The following HMCES variants were observed in gnomAD, a reference collection of about 807,000 sequenced individuals.
HMCES encodes the protein abasic site processing protein HMCES.
HMCES carries 27 observed loss-of-function variants against 35.1 expected under a neutral mutation model. That is an observed-to-expected ratio of 0.77 (90% CI 0.57 to 1.06). The LOEUF (loss-of-function observed/expected upper bound fraction) is 1.06. Among genes scored for constraint, HMCES ranks in the 50% least tolerant of loss-of-function variants. The pLI is 0.00. For missense variants in HMCES, 391 were observed against 430.4 expected (o/e 0.91, Z 0.81); for synonymous variants, 130 against 154.7 (o/e 0.84, Z 1.18).
Position 129,298,488 on chromosome 3 carries a change from C to T in HMCES, c.588C>T (p.Thr196=). The T allele has an allele frequency of 6.2e-7, 1 of 1,614,088 alleles. No homozygotes were observed. Among genetic ancestry groups the T allele is most frequent in the Non-Finnish European group, 8.5e-7 (1 of 1,179,998 alleles). The change falls in exon 5 of 7, where the codon ACC becomes ACT. Residue 196 remains threonine (T), a synonymous_variant. Transcript: ENST00000383463. The part of the protein sequence containing the change: ...PEGGDVLYSY[T]IITVDSCKGL... ...GAGGAGATGTCCTGTATTCCTATAC[C>T]ATCATCACAGTGGATTCCTGCAAAG...
chr3:129,289,768 A>T (rs1940747104), intron 3 of HMCES, among the ~76,000 whole-genome samples: 1 of 152,148 alleles, frequency 6.6e-6, no homozygotes, highest in African/African-American at 2.4e-5. Flanking sequence ...AGCATGCTTC[A>T]TTGGGGAGGC....
rs1443629532 is a variant in HMCES, at chr3:129,288,838, C to A, written c.184-16C>A. The A allele has an allele frequency of 6.0e-6, 9 of 1,489,668 alleles. No individual in the cohort carries two copies. Among genetic ancestry groups the A allele is most frequent in the Admixed American group, 1.8e-5 (1 of 54,490 alleles). The allele number at this position is 1,489,668 out of a possible 1,614,324, so 92.3% of individuals were successfully genotyped here. A position where few individuals can be genotyped will look rare whatever the true frequency, so the allele number is the denominator to read the frequency against. On this transcript the variant is annotated splice_polypyrimidine_tract_variant and intron_variant, in intron 2 of 6. Coordinates refer to ENST00000383463, the MANE Select transcript of HMCES (RefSeq NM_020187.3). Reference sequence around the variant, plus strand: ...TTTCATTATGATCTCCTCACTAGATCTTCTCTCCGTGGCAGGATGCAGACT... The same window carrying A: ...TTTCATTATGATCTCCTCACTAGATATTCTCTCCGTGGCAGGATGCAGACT...
chr3:129,284,711 G>A (rs1243550861), intron 2 of HMCES, among the ~76,000 whole-genome samples: 22 of 152,170 alleles, frequency 1.4e-4, no homozygotes, highest in African/African-American at 5.1e-4. Context: ...TCAGGAGTTC[G>A]AGACCAGCGT....
intron 2 of HMCES, among the ~76,000 whole-genome samples, chr3:129,287,611 C>T (rs1468568210): frequency 6.6e-6 from 1 of 152,036 alleles, no homozygotes; most frequent in Non-Finnish European, 1.5e-5. Flanking sequence ...ACAGACTAGG[C>T]GGAATAAACC....
chr3:129,289,387 G>A (rs912201020), intron 3 of HMCES, among the ~76,000 whole-genome samples: 2 of 152,334 alleles, frequency 1.3e-5, no homozygotes, highest in African/African-American at 4.8e-5. Flanking sequence ...GAGGGTGTCA[G>A]GGTAGCCAGG....
chr3:129,279,174 A>G lies in HMCES; in HGVS notation c.-24+269A>G, dbSNP rs2107682533. 1 of 152,548 alleles carries G rather than the reference A, an allele frequency of 6.6e-6. No homozygotes were observed. Among genetic ancestry groups the G allele is most frequent in the East Asian group, 2.0e-4 (1 of 5,110 alleles). The allele number at this position is 152,548 out of a possible 1,614,324, so 9.4% of individuals were successfully genotyped here. ...AGCACCGGCCCCCGCTCCGGGGAGC[A>G]GAGTCCGGAGCGGGATCCGCGGCCC... On this transcript the variant is annotated intron_variant, in intron 1 of 6. Coordinates refer to ENST00000383463, the MANE Select transcript of HMCES (RefSeq NM_020187.3). The surrounding 1 kb of genome is among the most constrained non-coding windows in gnomAD (Gnocchi z 4.2).
chr3:129,285,484 C>T (rs978072835), intron 2 of HMCES, among the ~76,000 whole-genome samples: 2 of 151,230 alleles, frequency 1.3e-5, no homozygotes, highest in Admixed American at 1.3e-4. Context: ...TGGAGTCTTG[C>T]TCTGTTGCCC....
chr3:129,305,141 T>G lies in HMCES; in HGVS notation c.*316T>G, dbSNP rs1168422641. The G allele has an allele frequency of 5.4e-6, 2 of 371,154 alleles. No homozygotes were observed. The highest frequency in any genetic ancestry group is 9.7e-6 in the Non-Finnish European group (2 of 205,288). The allele number at this position is 371,154 out of a possible 1,614,324, so 23.0% of individuals were successfully genotyped here. A position where few individuals can be genotyped will look rare whatever the true frequency, so the allele number is the denominator to read the frequency against. The stretch of plus-strand genomic sequence containing the variant: ...TTACCCAGCTGGGAAGTCTCTGCCC[T>G]GATCTGGTACTCCTTGTAGTAAGCT... On this transcript the variant is annotated 3_prime_UTR_variant, in exon 7 of 7. Transcript: ENST00000383463.
At chr3:129,301,218 A>C (rs1159061610) in intron 5 of HMCES, among the ~76,000 whole-genome samples, 5 of 138,384 alleles carry the variant, frequency 3.6e-5, no homozygotes, top group Non-Finnish European at 7.4e-5. Flanking sequence ...AAGAAAAAAA[A>C]AAAAATATGC....
At chr3:129,297,248 G>A (rs754779104) in intron 4 of HMCES, among the ~76,000 whole-genome samples, 14 of 151,816 alleles carry the variant, frequency 9.2e-5, no homozygotes, top group Non-Finnish European at 5.9e-5. Context: ...AATGTTTGTC[G>A]GCTAAACGGG....
chr3:129,302,762 C>T (rs2071185185), intron 6 of HMCES, among the ~76,000 whole-genome samples: 1 of 151,972 alleles, frequency 6.6e-6, no homozygotes, highest in Non-Finnish European at 1.5e-5. Context: ...GCCTGTAATG[C>T]CAGCACTTAG....
In HMCES at chr3:129,288,873, G is replaced by T. The variant is rs372430315; in HGVS notation, c.203G>T (p.Arg68Leu). 6 of 1,571,518 alleles carry T rather than the reference G, an allele frequency of 3.8e-6. No homozygotes were observed. In the African/African-American group the frequency reaches 5.4e-5, roughly 14 times the overall value. Residue 68 changes from arginine (R) to leucine (L), a missense_variant, in exon 3 of 7, where the codon CGT (arginine) becomes CTT (leucine). Arg to Leu is a moderately radical substitution (Grantham distance 102, BLOSUM62 -2). Transcript: ENST00000383463. Reference protein sequence around the residue: ...HFEKDADSSERIIAPMRWGLV... With the variant: ...HFEKDADSSELIIAPMRWGLV... ...TGGCAGGATGCAGACTCATCTGAGC[G>T]TATCATTGCTCCCATGCGCTGGGGC...
At chr3:129,297,332 G>A (rs1042148428) in intron 4 of HMCES, among the ~76,000 whole-genome samples, 1 of 152,030 alleles carries the variant, frequency 6.6e-6, no homozygotes, top group Non-Finnish European at 1.5e-5. Context: ...GGGCGTAGGG[G>A]GCTTTTTCTT....
chr3:129,288,072 T>C (rs993853449), intron 2 of HMCES, among the ~76,000 whole-genome samples: 1 of 151,304 alleles, frequency 6.6e-6, no homozygotes, highest in African/African-American at 2.4e-5. Flanking sequence ...AAAATAAAAA[T>C]AAAAAAATTC....
chr3:129,296,082 A>C (rs914616703), intron 4 of HMCES, among the ~76,000 whole-genome samples: 2 of 150,476 alleles, frequency 1.3e-5, no homozygotes, highest in African/African-American at 4.9e-5. Flanking sequence ...TTTTTTTGAG[A>C]TGAAGTCTCG....
Position 129,279,938 on chromosome 3 carries a change from A to G in HMCES, c.183+23A>G, listed in dbSNP as rs370535698. The G allele has an allele frequency of 2.0e-6, 3 of 1,526,002 alleles. No homozygotes were observed. Among genetic ancestry groups the G allele is most frequent in the Non-Finnish European group, 2.6e-6 (3 of 1,137,290 alleles). The allele number at this position is 1,526,002 out of a possible 1,614,324, so 94.5% of individuals were successfully genotyped here. On this transcript the variant is annotated intron_variant, in intron 2 of 6. Transcript: ENST00000383463. The surrounding 1 kb of genome is among the most constrained non-coding windows in gnomAD (Gnocchi z 4.2). The stretch of plus-strand genomic sequence containing the variant: ...AAGGTAACCAGCATTGCACTATGCT[A>G]GCCCCTCGCCCAGCCTCGTGATGGT...
chr3:129,282,750 C>T (rs1414540842), intron 2 of HMCES, among the ~76,000 whole-genome samples: 1 of 152,172 alleles, frequency 6.6e-6, no homozygotes, highest in Non-Finnish European at 1.5e-5. Flanking sequence ...GCAACATTTT[C>T]ATTTGAAACC....
chr3:129,279,857 A>G lies in HMCES; in HGVS notation c.125A>G (p.Tyr42Cys), dbSNP rs1424958139. 11 of 1,610,934 alleles carry G rather than the reference A, an allele frequency of 6.8e-6. No homozygotes were observed. The highest frequency in any genetic ancestry group is 1.7e-4 in the Middle Eastern group (1 of 6,002). Residue 42 changes from tyrosine (Y) to cysteine (C), a missense_variant, in exon 2 of 7, where the codon TAC becomes TGC. Tyr to Cys is a radical substitution (Grantham distance 194). Coordinates refer to ENST00000383463, the MANE Select transcript of HMCES (RefSeq NM_020187.3). This position sits in a 1 kb window ranked among gnomAD's most constrained non-coding sequence, Gnocchi z 4.2. Reference protein sequence around the residue: ...WRDPDKYCPSYNKSPQSNSPV... With the variant: ...WRDPDKYCPSCNKSPQSNSPV... Reference sequence around the variant, plus strand: ...GACCCTGATAAGTACTGCCCCTCTTACAACAAGAGTCCTCAATCCAACAGC... The same window carrying G: ...GACCCTGATAAGTACTGCCCCTCTTGCAACAAGAGTCCTCAATCCAACAGC...
chr3:129,304,536 C>A, intron 6 of HMCES, 53 bp from the exon 7 acceptor site: 1 of 1,514,006 alleles, frequency 6.6e-7, no homozygotes, highest in Non-Finnish European at 9.1e-7. Context: ...TGGACTTGGC[C>A]TTTTCCCAAA....
Sources: gnomAD v4.1 joint callset for allele counts (sites outside exome capture counted in the v4.1 genomes callset) on GRCh38, gnomAD v4.1.1 for gene constraint, Gnocchi (gnomAD v3.1) non-coding constraint, MANE v1.5 for transcripts, NCBI Gene and HGNC (gene_info 2026-07-23, HGNC 2026-07-21) for gene names.